Variants in PCDH11Y observed in about 807,000 individuals in gnomAD.
PCDH11Y encodes protocadherin-11 Y-linked.
For synonymous variants in PCDH11Y, 9 were observed against 83.6 expected (o/e 0.11, Z 4.87); for missense variants, 12 against 224.8 (o/e 0.05, Z 6.05).
intron 2 of PCDH11Y, among the ~76,000 whole-genome samples, chrY:5,422,503 C>T (rs1602922985): frequency 6.2e-5 from 2 of 32,076 alleles, no homozygotes; most frequent in Admixed American, 2.9e-4. Context: ...TAAAAAAGAA[C>T]GAAGTGGGAG....
At chrY:5,586,506 G>T (rs2124697957) in intron 4 of PCDH11Y, among the ~76,000 whole-genome samples, 1 of 30,095 alleles carries the variant, frequency 3.3e-5, no homozygotes, top group Admixed American at 3.0e-4. Context: ...CTGAAAAAAT[G>T]TTTTTTTTGT....
intron 2 of PCDH11Y, among the ~76,000 whole-genome samples, chrY:5,339,793 A>C: frequency 3.0e-5 from 1 of 33,108 alleles, no homozygotes; most frequent in African/African-American, 1.2e-4. Context: ...ACTGTATTTG[A>C]GCACTCAATA....
chrY:5,425,569 A>C, intron 2 of PCDH11Y, among the ~76,000 whole-genome samples: 2 of 33,430 alleles, frequency 6.0e-5, no homozygotes, highest in African/African-American at 2.3e-4. Flanking sequence ...TTTGAGATAC[A>C]GTCAGCCTTA....
chrY:5,046,039 T>G, intron 3 of PCDH11Y, among the ~76,000 whole-genome samples: 2 of 33,363 alleles, frequency 6.0e-5, no homozygotes, highest in Non-Finnish European at 1.5e-4. Context: ...GTTTTCAACT[T>G]CTTTGCCTTT....
At chrY:5,077,579 A>C in intron 1 of PCDH11Y, among the ~76,000 whole-genome samples, 1 of 16,408 alleles carries the variant, frequency 6.1e-5, no homozygotes, top group South Asian at 1.8e-3. Flanking sequence ...AATTGTGTTT[A>C]GATATGTTCC....
chrY:5,030,439 A>G (rs1339638769), intron 1 of PCDH11Y, among the ~76,000 whole-genome samples: 23 of 34,111 alleles, frequency 6.7e-4, no homozygotes, highest in Non-Finnish European at 1.7e-3. Context: ...TTTATCGCAA[A>G]TAACTTTTAT....
chrY:5,016,642 C>T, intron 1 of PCDH11Y, among the ~76,000 whole-genome samples: 1 of 32,289 alleles, frequency 3.1e-5, no homozygotes, highest in Non-Finnish European at 7.6e-5. Context: ...ATGTTAGGGA[C>T]GTCTCCTACA....
At chrY:5,419,246 A>AT (rs2053255861) in intron 2 of PCDH11Y, among the ~76,000 whole-genome samples, 34 of 31,889 alleles carry the variant, frequency 1.1e-3, no homozygotes, top group Admixed American at 5.8e-3. Context: ...CTTGCAGCCA[A>AT]TTTTTTTTTG....
At chrY:5,211,718 T>C in intron 2 of PCDH11Y, among the ~76,000 whole-genome samples, 1 of 33,507 alleles carries the variant, frequency 3.0e-5, no homozygotes, top group Admixed American at 2.7e-4. Flanking sequence ...CTCAAGTGAC[T>C]GCAATCTCTG....
intron 1 of PCDH11Y, among the ~76,000 whole-genome samples, chrY:5,085,779 T>G (rs2052728448): frequency 4.0e-5 from 1 of 25,000 alleles, no homozygotes; most frequent in Non-Finnish European, 9.3e-5. Flanking sequence ...TGGAGCTCCA[T>G]TGTGTGTGTG....
At chrY:5,567,826 T>C in intron 3 of PCDH11Y, among the ~76,000 whole-genome samples, 5 of 30,286 alleles carry the variant, frequency 1.7e-4, no homozygotes, top group African/African-American at 6.3e-4. Context: ...TCTGGGACAA[T>C]GTCATTTATT....
chrY:5,706,074 A>T (rs2053582844), intron 4 of PCDH11Y, among the ~76,000 whole-genome samples: 1 of 24,568 alleles, frequency 4.1e-5, no homozygotes, highest in African/African-American at 1.6e-4. Flanking sequence ...TTAGCATATC[A>T]GTTACAACCT....
At chrY:5,326,226 CT>C (rs2053120170) in intron 2 of PCDH11Y, among the ~76,000 whole-genome samples, 3 of 32,734 alleles carry the variant, frequency 9.2e-5, no homozygotes, top group African/African-American at 3.6e-4. Flanking sequence ...AAGGCCTTTA[CT>C]TTATTCAGTG....
At chrY:5,642,629 T>G in intron 4 of PCDH11Y, among the ~76,000 whole-genome samples, 1 of 33,894 alleles carries the variant, frequency 3.0e-5, no homozygotes, top group Admixed American at 2.7e-4. Context: ...AGCTACATTT[T>G]CTTTCTATAA....
intron 2 of PCDH11Y, among the ~76,000 whole-genome samples, chrY:5,163,407 A>G: frequency 3.0e-5 from 1 of 33,267 alleles, no homozygotes; most frequent in South Asian, 6.6e-4. Context: ...GAATAACACT[A>G]CAAATGATCA....
chrY:5,378,743 A>G (rs2053201648), intron 2 of PCDH11Y, among the ~76,000 whole-genome samples: 1 of 33,307 alleles, frequency 3.0e-5, no homozygotes, highest in Non-Finnish European at 7.4e-5. Flanking sequence ...TTTAATGCCA[A>G]TGCTAATTCT....
intron 3 of PCDH11Y, among the ~76,000 whole-genome samples, chrY:5,539,622 T>G: frequency 3.0e-5 from 1 of 32,838 alleles, no homozygotes; most frequent in Non-Finnish European, 7.6e-5. Context: ...TTCATTTAGA[T>G]GACAAAAACA....
chrY:5,263,038 A>G lies in PCDH11Y; in HGVS notation c.3129+162331A>G. Among the ~76,000 whole-genome samples the G allele has an allele frequency of 8.9e-5, 3 of 33,778 alleles. No individual in the cohort carries two copies. The East Asian group carries it at 2.4e-3, about 27-fold the overall frequency. The allele number at this position is 33,778 out of a possible 37,273, so 90.6% of individuals were successfully genotyped here. A position where few individuals can be genotyped will look rare whatever the true frequency, so the allele number is the denominator to read the frequency against. On this transcript the variant is annotated intron_variant, in intron 2 of 4. Transcript: ENST00000400457. ...GTATCCACGTGGTATAGAGCCTGCA[A>G]TTGCACAGAAGTCAAGAATTGCGGT...
chrY:5,138,498 C>T, intron 2 of PCDH11Y, among the ~76,000 whole-genome samples: 2 of 32,985 alleles, frequency 6.1e-5, no homozygotes, highest in East Asian at 8.0e-4. Flanking sequence ...ATGGATGGAC[C>T]GTTAGTGAGA....
Sources: allele counts gnomAD v4.1 joint callset (sites outside exome capture counted in the v4.1 genomes callset), GRCh38; gene constraint gnomAD v4.1.1; transcripts MANE v1.5; gene names NCBI Gene and HGNC (gene_info 2026-07-23, HGNC 2026-07-21).